F10: variants seen among roughly 807,000 people sequenced by gnomAD.
F10 encodes Stuart-Prower factor.
In F10, 29 loss-of-function variants were observed where a neutral mutation model predicts 37.1. That is an observed-to-expected ratio of 0.78 (90% CI 0.58 to 1.07). The LOEUF (loss-of-function observed/expected upper bound fraction) is 1.07, where lower values mean the gene tolerates loss of function less well. Among genes scored for constraint, F10 ranks in the 50% least tolerant of loss-of-function variants. F10 has a pLI of 0.00. For synonymous variants in F10, 262 were observed against 268.6 expected (o/e 0.98, Z 0.24); for missense variants, 539 against 667.9 (o/e 0.81, Z 2.13).
At chr13:113,135,171 A>G (rs898785961) in intron 2 of F10, among the ~76,000 whole-genome samples, 2 of 151,446 alleles carry the variant, frequency 1.3e-5, no homozygotes, top group African/African-American at 4.9e-5. Flanking sequence ...TGAACCTGGG[A>G]GGTGAAGGTT....
chr13:113,129,766 G>A (rs1253423808), intron 2 of F10, among the ~76,000 whole-genome samples, 154 bp downstream of exon 2: 1 of 147,282 alleles, frequency 6.8e-6, no homozygotes, highest in African/African-American at 2.7e-5. Context: ...TCGAGGCCTC[G>A]GCGGAGTCCT....
In F10 at chr13:113,141,402, G is replaced by A. The variant is rs546094027; in HGVS notation, c.502+352G>A. ...GCCCTCAGTCTGCATTGGGACTGTGGGGGGATCCAGTGCAAGGGCTCAAAG... is the reference window on the plus strand; with the variant it reads ...GCCCTCAGTCTGCATTGGGACTGTGAGGGGATCCAGTGCAAGGGCTCAAAG... On this transcript the variant is annotated intron_variant, in intron 5 of 7. Transcript: ENST00000375559. This position sits in a 1 kb window ranked among gnomAD's most constrained non-coding sequence, Gnocchi z 5.4. Among the ~76,000 whole-genome samples the A allele has an allele frequency of 2.0e-5, 3 of 152,152 alleles. No homozygotes were observed. Among genetic ancestry groups the A allele is most frequent in the Non-Finnish European group, 4.4e-5 (3 of 68,028 alleles).
intron 5 of F10, among the ~76,000 whole-genome samples, chr13:113,142,238 A>C (rs1162856912): frequency 6.6e-6 from 1 of 152,138 alleles, no homozygotes; most frequent in Non-Finnish European, 1.5e-5. Flanking sequence ...AACAATCACA[A>C]ATCCATTTAA....
rs1241474133 is a variant in F10 at position 113,141,461 on chromosome 13, G to C, written c.502+411G>C. Among the ~76,000 whole-genome samples the C allele has an allele frequency of 6.6e-6, 1 of 152,146 alleles. No individual in the cohort carries two copies. Among genetic ancestry groups the C allele is most frequent in the African/African-American group, 2.4e-5 (1 of 41,426 alleles). ...CAGGCAAAGGGCAGAGCTGGCCCGAGGAACTGGAGCTAAGGTGCGGGGCTG... is the reference window on the plus strand; with the variant it reads ...CAGGCAAAGGGCAGAGCTGGCCCGACGAACTGGAGCTAAGGTGCGGGGCTG... On this transcript the variant is annotated intron_variant, in intron 5 of 7. Coordinates refer to ENST00000375559, the MANE Select transcript of F10 (RefSeq NM_000504.4). This position sits in a 1 kb window ranked among gnomAD's most constrained non-coding sequence, Gnocchi z 5.4.
chr13:113,129,341 G>C (rs941634385), intron 1 of F10, 111 bp from the exon 2 acceptor site: 1 of 1,376,108 alleles, frequency 7.3e-7, no homozygotes, highest in African/African-American at 1.4e-5. Context: ...AGAGTGATCC[G>C]CCTTTTGTGA....
Position 113,143,543 on chromosome 13 carries a change from T to C in F10, c.503-308T>C, listed in dbSNP as rs1044474545. ...GTCTCTGTCCATCCGTCAAGCTTTC[T>C]TGACTTCTTGGTGCATTTTCAGGCA... On this transcript the variant is annotated intron_variant, in intron 5 of 7. Coordinates refer to ENST00000375559, the MANE Select transcript of F10 (RefSeq NM_000504.4). The surrounding 1 kb of genome is among the most constrained non-coding windows in gnomAD (Gnocchi z 6.8). 2.6e-5 allele frequency among the ~76,000 whole-genome samples: 4 copies of C among 152,172 alleles called. No homozygotes were observed. Among genetic ancestry groups the C allele is most frequent in the Non-Finnish European group, 5.9e-5 (4 of 68,036 alleles).
intron 5 of F10, among the ~76,000 whole-genome samples, chr13:113,142,510 T>C (rs1193400329): frequency 1.0e-4 from 14 of 139,526 alleles, no homozygotes; most frequent in Non-Finnish European, 2.0e-4. Flanking sequence ...TGAGCCGAGA[T>C]TGCGCCACTG....
intron 7 of F10, among the ~76,000 whole-genome samples, chr13:113,148,445 A>G (rs546660013): frequency 1.2e-4 from 18 of 151,312 alleles, no homozygotes; most frequent in African/African-American, 3.6e-4. Flanking sequence ...TTAACTCAAC[A>G]TATTGAAAAT....
At chr13:113,134,640 G>A (rs473950) in intron 2 of F10, among the ~76,000 whole-genome samples, 121,226 of 152,160 alleles carry the variant, frequency 0.8, 48,800 homozygotes, top group East Asian at 0.89. Flanking sequence ...GGTGGGGACA[G>A]AGCCAAACCA....
Position 113,146,374 on chromosome 13 carries a change from G to C in F10, c.748-1005G>C, listed in dbSNP as rs1252828778. Among the ~76,000 whole-genome samples the C allele has an allele frequency of 6.6e-6, 1 of 152,198 alleles. No homozygotes were observed. ...AGCAGGAAAAGCCTCTTGTGGGGCT[G>C]AGGAGCTGGACTTGGAGCTGCAGGC... On this transcript the variant is annotated intron_variant, in intron 6 of 7. Transcript: ENST00000375559. The surrounding 1 kb of genome is among the most constrained non-coding windows in gnomAD (Gnocchi z 4.5).
chr13:113,127,609 A>G (rs566024166), intron 1 of F10, among the ~76,000 whole-genome samples: 61 of 152,344 alleles, frequency 4.0e-4, no homozygotes, highest in Non-Finnish European at 7.2e-4. Context: ...TTTAACCAGC[A>G]GATCAAGACT....
Position 113,139,490 on chromosome 13 carries a change from A to T in F10, c.370+20A>T, listed in dbSNP as rs1350434183. The T allele has an allele frequency of 6.3e-7, 1 of 1,586,150 alleles. No individual in the cohort carries two copies. On this transcript the variant is annotated intron_variant, in intron 4 of 7. Coordinates refer to ENST00000375559, the MANE Select transcript of F10 (RefSeq NM_000504.4). The surrounding 1 kb of genome is among the most constrained non-coding windows in gnomAD (Gnocchi z 5.2). ...AATTATGTAGGTTCCTCTGCTTGGT[A>T]TACCTTCAGATCAGATGCCCCTGAA...
Position 113,143,908 on chromosome 13 carries a change from C to T in F10, c.560C>T (p.Ala187Val). Residue 187 changes from alanine to valine, a missense_variant, in exon 6 of 8, where the codon GCC becomes GTC. Coordinates refer to ENST00000375559, the MANE Select transcript of F10 (RefSeq NM_000504.4). The surrounding 1 kb of genome is among the most constrained non-coding windows in gnomAD (Gnocchi z 6.8). ...CGCAGGAAGAGGTCAGTGGCCCAGG[C>T]CACCAGCAGCAGCGGGGAGGCCCCT... ...LERRKRSVAQATSSSGEAPDS... is the reference protein window; with the variant it reads ...LERRKRSVAQVTSSSGEAPDS... 2 of 1,613,368 alleles carry T rather than the reference C, an allele frequency of 1.2e-6. No homozygotes were observed. The highest frequency in any genetic ancestry group is 1.7e-6 in the Non-Finnish European group (2 of 1,180,010).
At chr13:113,123,367 G>A (rs1034056261) in intron 1 of F10, among the ~76,000 whole-genome samples, 1 of 152,204 alleles carries the variant, frequency 6.6e-6, no homozygotes, top group African/African-American at 2.4e-5. Flanking sequence ...CCAGGGAGGA[G>A]GAGGCTGAGC....
Position 113,144,859 on chromosome 13 carries a change from G to A in F10, c.747+764G>A, listed in dbSNP as rs3211787. On this transcript the variant is annotated intron_variant, in intron 6 of 7. Transcript: ENST00000375559. The surrounding 1 kb of genome is among the most constrained non-coding windows in gnomAD (Gnocchi z 6.4). ...CTCCCAAGTAGCTGGAATTACGGGC[G>A]CCCGCTACTTACGCCTGGCTAATTT... Among the ~76,000 whole-genome samples, 213 of 150,888 alleles carry A rather than the reference G, an allele frequency of 1.4e-3. No homozygotes were observed. Among genetic ancestry groups the A allele is most frequent in the African/African-American group, 5.0e-3 (204 of 40,992 alleles).
intron 4 of F10, among the ~76,000 whole-genome samples, chr13:113,140,132 G>A (rs1301558659): frequency 1.4e-5 from 2 of 147,022 alleles, no homozygotes; most frequent in Non-Finnish European, 3.0e-5. Flanking sequence ...AGAGTGCAGT[G>A]GCACGATCTC....
At chr13:113,133,627 A>G (rs946538112) in intron 2 of F10, among the ~76,000 whole-genome samples, 6 of 152,194 alleles carry the variant, frequency 3.9e-5, no homozygotes, top group African/African-American at 1.4e-4. Flanking sequence ...CACCAATTCT[A>G]TACAACTCTT....
At chr13:113,140,477 G>A in intron 4 of F10, 1 of 471,902 alleles carries the variant, frequency 2.1e-6, no homozygotes, top group South Asian at 1.5e-5. Context: ...CAAGTCCGCA[G>A]TCGCCTCCCT....
intron 6 of F10, among the ~76,000 whole-genome samples, chr13:113,145,824 G>A (rs779033851): frequency 5.9e-5 from 9 of 152,140 alleles, no homozygotes; most frequent in Admixed American, 6.5e-5. Flanking sequence ...TGGGGAAACC[G>A]CCCTCACGAT....
Sources: gnomAD v4.1 joint callset for allele counts (sites outside exome capture counted in the v4.1 genomes callset) on GRCh38, gnomAD v4.1.1 for gene constraint, Gnocchi (gnomAD v3.1) non-coding constraint, MANE v1.5 for transcripts, NCBI Gene and HGNC (gene_info 2026-07-23, HGNC 2026-07-21) for gene names.